Variants in DLGAP2 observed in about 807,000 individuals in gnomAD.
DLGAP2 encodes disks large-associated protein 2.
A neutral mutation model predicts 100.3 loss-of-function variants in DLGAP2; 26 were observed. The ratio of observed to expected loss-of-function variants is 0.26; its 90% CI spans 0.19 to 0.36. The LOEUF is 0.36. DLGAP2 is among the 10% of genes least tolerant of loss of function. The pLI is 1.00. For synonymous variants in DLGAP2, 886 were observed against 630.1 expected (o/e 1.41, Z -6.08); for missense variants, 1,858 against 1,453.2 (o/e 1.28, Z -4.53).
chr8:1,295,308 G>A (rs1197109166), intron 3 of DLGAP2, among the ~76,000 whole-genome samples: 4 of 152,196 alleles, frequency 2.6e-5, no homozygotes, highest in African/African-American at 4.8e-5. Context: ...TATTGAAGAT[G>A]ACAGAGCCTT....
rs1797917837 is a variant in DLGAP2 at position 1,203,217 on chromosome 8, C to G, written c.74-55634C>G. Among the ~76,000 whole-genome samples, 2 of 152,120 alleles carry G rather than the reference C, an allele frequency of 1.3e-5. 1 individual carries two copies. Among genetic ancestry groups the G allele is most frequent in the Non-Finnish European group, 2.9e-5 (2 of 68,036 alleles). ...CGAGGGGATTATAGACGTGTGTGTC[C>G]TGCAGCACCCACCCCTCAGTGTTAG... is the stretch of plus-strand genomic sequence containing the variant. On this transcript the variant is annotated intron_variant, in intron 2 of 14. Transcript: ENST00000637795.
At chr8:1,066,100 T>C (rs958074183) in intron 2 of DLGAP2, among the ~76,000 whole-genome samples, 15 of 145,304 alleles carry the variant, frequency 1.0e-4, no homozygotes, top group African/African-American at 2.8e-4. Context: ...CAGGTCTGAG[T>C]GAGGGCAGCT....
intron 1 of DLGAP2, among the ~76,000 whole-genome samples, chr8:759,032 C>T (rs74775952): frequency 0.074 from 1,077 of 14,512 alleles, 2 homozygotes; most frequent in East Asian, 0.17. Flanking sequence ...CCCTGACAGC[C>T]TTCCCATTAT....
intron 3 of DLGAP2, among the ~76,000 whole-genome samples, chr8:1,447,850 C>T (rs556849812): frequency 6.6e-6 from 1 of 152,308 alleles, no homozygotes; most frequent in Non-Finnish European, 1.5e-5. Context: ...TCCATTTCTT[C>T]TAGATTTTCT....
At chr8:1,431,402 G>A (rs902871865) in intron 3 of DLGAP2, among the ~76,000 whole-genome samples, 2 of 152,208 alleles carry the variant, frequency 1.3e-5, no homozygotes, top group Non-Finnish European at 1.5e-5. Context: ...ACAACCTACT[G>A]GGCGTCAGCA....
rs372252609 is a variant in DLGAP2 at position 1,376,994 on chromosome 8, GACC to G, written c.106+118114_106+118116del. On this transcript the variant is annotated intron_variant, in intron 3 of 14. Coordinates refer to ENST00000637795, the MANE Select transcript of DLGAP2 (RefSeq NM_001346810.2). Reference sequence around the variant, plus strand: ...CATGCAATTAACAGAGTGCATCAGGGACCACATGCTTCAGCAGAACCACAGTGT... The same window carrying G: ...CATGCAATTAACAGAGTGCATCAGGGACATGCTTCAGCAGAACCACAGTGT... Among the ~76,000 whole-genome samples the G allele has an allele frequency of 2.6e-4, 40 of 152,350 alleles. No homozygotes were observed. The East Asian group carries it at 3.9e-3, about 15-fold the overall frequency.
chr8:1,497,862 G>A (rs1450543836), intron 3 of DLGAP2, among the ~76,000 whole-genome samples: 1 of 152,198 alleles, frequency 6.6e-6, no homozygotes, highest in Non-Finnish European at 1.5e-5. Context: ...AAAAAGAGTT[G>A]AACTCTGTAA....
chr8:1,215,348 G>A (rs1464266635), intron 2 of DLGAP2, among the ~76,000 whole-genome samples: 1 of 152,254 alleles, frequency 6.6e-6, no homozygotes, highest in Non-Finnish European at 1.5e-5. Context: ...GGCTGGTTGA[G>A]AGCTGAGATC....
intron 12 of DLGAP2, 179 bp downstream of exon 12, chr8:1,678,808 G>A (rs1231870845): frequency 1.4e-6 from 1 of 698,818 alleles, no homozygotes; most frequent in African/African-American, 1.8e-5. Context: ...CATGAAAAGA[G>A]AAGCAGTCAC....
intron 2 of DLGAP2, among the ~76,000 whole-genome samples, chr8:1,254,531 G>C (rs778399365): frequency 6.6e-6 from 1 of 152,124 alleles, no homozygotes; most frequent in Non-Finnish European, 1.5e-5. Context: ...CGTGGGGCGC[G>C]ATCATTGGCA....
At chr8:900,691 G>T (rs902137323) in intron 1 of DLGAP2, among the ~76,000 whole-genome samples, 1 of 152,130 alleles carries the variant, frequency 6.6e-6, no homozygotes, top group Admixed American at 6.6e-5. Flanking sequence ...ACCAGGAGGC[G>T]GCTGCAGCCC....
chr8:743,688 C>T (rs919848305), intron 1 of DLGAP2, among the ~76,000 whole-genome samples: 5 of 152,258 alleles, frequency 3.3e-5, no homozygotes, highest in African/African-American at 1.2e-4. Flanking sequence ...CTCAGCCTCC[C>T]GAGTAGCTGG....
chr8:1,040,155 G>C (rs1452800449), intron 2 of DLGAP2, among the ~76,000 whole-genome samples: 1 of 145,630 alleles, frequency 6.9e-6, no homozygotes, highest in Non-Finnish European at 1.5e-5. Flanking sequence ...CACGTGTTCG[G>C]CTCGGTGTGT....
At chr8:865,988 G>C (rs1343882878) in intron 1 of DLGAP2, among the ~76,000 whole-genome samples, 2 of 152,204 alleles carry the variant, frequency 1.3e-5, no homozygotes, top group Non-Finnish European at 2.9e-5. Context: ...GTTGGGTATG[G>C]TATTCTAATC....
At chr8:1,348,174 T>A (rs1801611888) in intron 3 of DLGAP2, among the ~76,000 whole-genome samples, 1 of 152,076 alleles carries the variant, frequency 6.6e-6, no homozygotes, top group South Asian at 2.1e-4. Flanking sequence ...TCATGGTAGC[T>A]GTGTAGAGGT....
chr8:1,341,694 G>T (rs184368537), intron 3 of DLGAP2, among the ~76,000 whole-genome samples: 2 of 152,330 alleles, frequency 1.3e-5, no homozygotes, highest in East Asian at 3.9e-4. Flanking sequence ...ATGAGCCCCT[G>T]ACCCTCTGGT....
rs555090939 is a variant in DLGAP2, at chr8:1,407,803, G to A, written c.107-93563G>A. ...CGCCACCTCCTCATCCTCCGGGGTC[G>A]TGTATTGAGTGCTTACTGAGCGCCA... On this transcript the variant is annotated intron_variant, in intron 3 of 14. Coordinates refer to ENST00000637795, the MANE Select transcript of DLGAP2 (RefSeq NM_001346810.2). 6.4e-4 allele frequency among the ~76,000 whole-genome samples: 95 copies of A among 148,802 alleles called. 3 individuals are homozygous for A. The highest frequency in any genetic ancestry group is 3.4e-3 in the Middle Eastern group (1 of 290).
chr8:1,045,516 G>C (rs556764951), intron 2 of DLGAP2, among the ~76,000 whole-genome samples: 1 of 152,086 alleles, frequency 6.6e-6, no homozygotes, highest in Non-Finnish European at 1.5e-5. Flanking sequence ...CTTAAAATCT[G>C]CCCTCTTAGC....
chr8:857,113 A>G (rs1377594406), intron 1 of DLGAP2, among the ~76,000 whole-genome samples: 5 of 152,370 alleles, frequency 3.3e-5, no homozygotes, highest in East Asian at 1.9e-4. Context: ...AGGCCATTCA[A>G]TGGAGAGAGG....
Sources: allele counts gnomAD v4.1 joint callset (sites outside exome capture counted in the v4.1 genomes callset), GRCh38; gene constraint gnomAD v4.1.1; transcripts MANE v1.5; gene names NCBI Gene and HGNC (gene_info 2026-07-23, HGNC 2026-07-21).